Variants in PRDM11 observed in about 807,000 individuals in gnomAD.
PRDM11 encodes PR domain-containing protein 11.
In PRDM11, 20 loss-of-function variants were observed where a neutral mutation model predicts 97.8. The ratio of observed to expected loss-of-function variants is 0.20; its 90% CI spans 0.14 to 0.30. PRDM11 has a LOEUF of 0.30. PRDM11 is among the 10% of genes least tolerant of loss of function. PRDM11 has a pLI of 1.00. For missense variants in PRDM11, 1,139 were observed against 1,555.2 expected, an observed-to-expected ratio of 0.73 and a Z score of 4.50; for synonymous variants, 599 against 637.7, an observed-to-expected ratio of 0.94 and a Z score of 0.91.
At position 45,138,530 on chromosome 11, in the gene PRDM11, T is replaced by C. The variant is rs114789022; in HGVS notation, c.96+42629T>C. ...CTGCAGGGAGCCATGACCATGCCAC[T>C]GAACTCCGGCTTGGGTGACAGAGCG... On this transcript the variant is annotated intron_variant, in intron 1 of 6. Transcript: ENST00000530656. Among the ~76,000 whole-genome samples, 1,441 of 152,290 alleles carry C rather than the reference T, an allele frequency of 9.5e-3. 18 individuals are homozygous for C. The highest frequency in any genetic ancestry group is 0.033 in the African/African-American group (1,364 of 41,556).
At chr11:45,122,085 T>C (rs545107628) in intron 1 of PRDM11, among the ~76,000 whole-genome samples, 1 of 151,002 alleles carries the variant, frequency 6.6e-6, no homozygotes, top group East Asian at 2.0e-4. Flanking sequence ...AGAAATCAAA[T>C]AGGAAAAAAA....
At chr11:45,162,234 G>T (rs1851947188) in intron 1 of PRDM11, among the ~76,000 whole-genome samples, 1 of 152,180 alleles carries the variant, frequency 6.6e-6, no homozygotes, top group Non-Finnish European at 1.5e-5. Context: ...CCCGTCTGGG[G>T]TGAGGTATCG....
intron 1 of PRDM11, among the ~76,000 whole-genome samples, chr11:45,140,952 A>T (rs1851391406): frequency 6.6e-6 from 1 of 152,176 alleles, no homozygotes; most frequent in African/African-American, 2.4e-5. Context: ...AACACCATTG[A>T]GGACTTCCAA....
rs368662933 is a variant in PRDM11 at position 45,129,700 on chromosome 11, A to G, written c.96+33799A>G. On this transcript the variant is annotated intron_variant, in intron 1 of 6. Transcript: ENST00000530656. ...GAAGAATCAATATTGTTTCTCTCCAAATAGCAATCTCTCTCCAAATTGATC... is the reference window on the plus strand; with the variant it reads ...GAAGAATCAATATTGTTTCTCTCCAGATAGCAATCTCTCTCCAAATTGATC... 2.7e-4 allele frequency among the ~76,000 whole-genome samples: 41 copies of G among 152,304 alleles called. No individual in the cohort carries two copies. The South Asian group carries it at 8.3e-3, about 31-fold the overall frequency.
chr11:45,132,989 C>T (rs1852753866), intron 1 of PRDM11, among the ~76,000 whole-genome samples: 1 of 152,174 alleles, frequency 6.6e-6, no homozygotes, highest in African/African-American at 2.4e-5. Flanking sequence ...CATCCCCATC[C>T]CCATCCCCAA....
intron 1 of PRDM11, among the ~76,000 whole-genome samples, chr11:45,100,220 A>C (rs904076269): frequency 6.6e-6 from 1 of 152,200 alleles, no homozygotes; most frequent in Non-Finnish European, 1.5e-5. Context: ...ATTAAGAGCA[A>C]TCCCTCAGCC....
intron 4 of PRDM11, among the ~76,000 whole-genome samples, chr11:45,204,153 C>T (rs1319094062): frequency 6.6e-6 from 1 of 152,176 alleles, no homozygotes; most frequent in African/African-American, 2.4e-5. Flanking sequence ...GAATTTCATA[C>T]CCAGCTGAAC....
Position 45,234,381 on chromosome 11 carries a change from C to T in PRDM11, c.*6222C>T, listed in dbSNP as rs1854461864. On this transcript the variant is annotated 3_prime_UTR_variant, in exon 8 of 8. Transcript: ENST00000683152. ...CCCCTGTCTTGCTCTTCCCCACCAT[C>T]CTACAAGTACCTCAGTCTCCAGCAG... 6.5e-6 allele frequency: 1 copy of T among 153,012 alleles called. No homozygotes were observed. The highest frequency in any genetic ancestry group is 1.5e-5 in the Non-Finnish European group (1 of 68,470). The allele number at this position is 153,012 out of a possible 1,614,324, so 9.5% of individuals were successfully genotyped here.
intron 1 of PRDM11, among the ~76,000 whole-genome samples, chr11:45,137,371 T>G (rs1464363189): frequency 3.3e-5 from 5 of 151,834 alleles, no homozygotes; most frequent in African/African-American, 1.2e-4. Flanking sequence ...AGGCGGAGGT[T>G]GCAGTGAGCT....
At chr11:45,127,238 CTAAT>C (rs1852595115) in intron 1 of PRDM11, among the ~76,000 whole-genome samples, 1 of 152,188 alleles carries the variant, frequency 6.6e-6, no homozygotes, top group Non-Finnish European at 1.5e-5. Flanking sequence ...ATACATTCGT[CTAAT>C]TTTTTTCAAA....
At chr11:45,138,484 C>T (rs546139062) in intron 1 of PRDM11, among the ~76,000 whole-genome samples, 1 of 152,286 alleles carries the variant, frequency 6.6e-6, no homozygotes, top group South Asian at 2.1e-4. Flanking sequence ...GGAAGGATCG[C>T]TTGAGCCTAA....
intron 1 of PRDM11, among the ~76,000 whole-genome samples, chr11:45,128,866 A>G (rs1852650532): frequency 6.6e-6 from 1 of 152,170 alleles, no homozygotes; most frequent in Non-Finnish European, 1.5e-5. Context: ...TTTATAAGAA[A>G]GGAAAGAAAA....
chr11:45,226,432 G>A lies in PRDM11; in HGVS notation c.1807G>A (p.Gly603Ser). 1 of 1,533,954 alleles carries A rather than the reference G, an allele frequency of 6.5e-7. No homozygotes were observed. The highest frequency in any genetic ancestry group is 2.3e-4 in the Middle Eastern group (1 of 4,358). ...FNTAYHLALE[G>S]RPYLDFRPLA... Reference sequence around the variant, plus strand: ...CACCGCCTACCACCTGGCCTTGGAGGGCAGGCCCTACCTGGACTTCCGGCC... The same window carrying A: ...CACCGCCTACCACCTGGCCTTGGAGAGCAGGCCCTACCTGGACTTCCGGCC... Residue 603 changes from glycine to serine, a missense_variant, in exon 8 of 8, where the codon GGC (glycine) becomes AGC (serine). Gly to Ser is a moderately conservative substitution (Grantham distance 56). This residue lies in a region of PRDM11 where 710 missense variants were observed against 1,044.9 expected (regional missense o/e 0.68). Transcript: ENST00000683152.
intron 1 of PRDM11, among the ~76,000 whole-genome samples, chr11:45,097,728 G>A (rs779725849): frequency 1.3e-5 from 2 of 152,244 alleles, no homozygotes; most frequent in Non-Finnish European, 2.9e-5. Context: ...GGTGAGACAA[G>A]CAGGCTACGG....
chr11:45,113,835 T>TG (rs1565230280), intron 1 of PRDM11, among the ~76,000 whole-genome samples: 3 of 150,434 alleles, frequency 2.0e-5, no homozygotes, highest in Non-Finnish European at 4.4e-5. Flanking sequence ...TTTTGTTTTT[T>TG]TTTTTTTTTA....
intron 1 of PRDM11, among the ~76,000 whole-genome samples, chr11:45,159,822 G>T (rs1851887569): frequency 6.6e-6 from 1 of 152,178 alleles, no homozygotes; most frequent in Non-Finnish European, 1.5e-5. Flanking sequence ...ACCAGTGTCA[G>T]ATCCTCTTAG....
At chr11:45,197,679 C>T (rs1249298104) in intron 4 of PRDM11, among the ~76,000 whole-genome samples, 5 of 151,842 alleles carry the variant, frequency 3.3e-5, no homozygotes, top group East Asian at 3.9e-4. Flanking sequence ...CGGTCTAAAC[C>T]GAAAAGAAAT....
At chr11:45,140,661 A>G (rs992507614) in intron 1 of PRDM11, among the ~76,000 whole-genome samples, 1 of 151,844 alleles carries the variant, frequency 6.6e-6, no homozygotes, top group African/African-American at 2.4e-5. Flanking sequence ...TATCTGTCTC[A>G]TTGTGGCTCC....
chr11:45,144,657 T>C (rs7110545), upstream of PRDM11, among the ~76,000 whole-genome samples: 6,029 of 152,330 alleles, frequency 0.04, 401 homozygotes, highest in African/African-American at 0.13. Flanking sequence ...GCAGGACACA[T>C]GTCCAACACC....
Sources: allele counts gnomAD v4.1 joint callset (sites outside exome capture counted in the v4.1 genomes callset), GRCh38; gene constraint gnomAD v4.1.1; regional missense constraint gnomAD v4.1.1; transcripts MANE v1.5; gene names NCBI Gene and HGNC (gene_info 2026-07-23, HGNC 2026-07-21).